Variants in CCDC61 observed in about 807,000 individuals in gnomAD.
The protein encoded by CCDC61 is centrosomal protein CCDC61.
Under a neutral mutation model 63.0 loss-of-function variants are expected in CCDC61, and 55 were observed. The ratio of observed to expected loss-of-function variants is 0.87; its 90% CI spans 0.70 to 1.09. The LOEUF (loss-of-function observed/expected upper bound fraction) is 1.09. Among genes scored for constraint, CCDC61 ranks in the 50% least tolerant of loss-of-function variants. The pLI is 0.00. For missense variants in CCDC61, 651 were observed against 731.4 expected, an observed-to-expected ratio of 0.89 and a Z score of 1.27; for synonymous variants, 270 against 317.0, an observed-to-expected ratio of 0.85 and a Z score of 1.58.
chr19:46,003,359 G>C, intron 2 of CCDC61, 60 bp from the exon 3 acceptor site: 1 of 1,523,208 alleles, frequency 6.6e-7, no homozygotes, highest in Non-Finnish European at 9.0e-7. Flanking sequence ...GAGCTTAGGT[G>C]CATTGCCCTG....
chr19:46,008,621 C>T (rs954198239), intron 5 of CCDC61, among the ~76,000 whole-genome samples: 5 of 152,166 alleles, frequency 3.3e-5, no homozygotes, highest in Admixed American at 2.6e-4. Flanking sequence ...GTTGGCCAGG[C>T]TGATCTCAAA....
At chr19:46,013,709 A>G (rs1366593754) in intron 5 of CCDC61, among the ~76,000 whole-genome samples, 1 of 151,858 alleles carries the variant, frequency 6.6e-6, no homozygotes, top group Non-Finnish European at 1.5e-5. Context: ...TCTACTAAAC[A>G]TACAAAAATT....
intron 3 of CCDC61, 121 bp downstream of exon 3, chr19:46,003,622 G>A (rs1968636939): frequency 6.6e-6 from 4 of 607,194 alleles, no homozygotes; most frequent in Admixed American, 3.1e-5. Context: ...TGGGAAGAGG[G>A]CGATCATTTT....
chr19:46,003,360 C>T (rs1968629570), intron 2 of CCDC61, 59 bp from the exon 3 acceptor site: 3 of 1,521,606 alleles, frequency 2.0e-6, no homozygotes, highest in Non-Finnish European at 2.7e-6. Context: ...AGCTTAGGTG[C>T]ATTGCCCTGG....
intron 4 of CCDC61, 106 bp from the exon 5 acceptor site, chr19:46,008,034 T>C (rs1417745436): frequency 5.6e-6 from 7 of 1,251,208 alleles, no homozygotes; most frequent in Non-Finnish European, 6.6e-6. Context: ...CAGTGCAGTT[T>C]TTGGAATTGT....
intron 1 of CCDC61, among the ~76,000 whole-genome samples, chr19:45,995,903 G>C (rs1014434373): frequency 2.0e-5 from 3 of 152,156 alleles, no homozygotes; most frequent in African/African-American, 7.2e-5. Flanking sequence ...TATTGAGGAA[G>C]GGAGGGAAGG....
In CCDC61 at chr19:46,016,726, G is replaced by A. The variant is rs764869678; in HGVS notation, c.1124G>A (p.Gly375Glu). ...QQQRNRLGSG[G>E]SGDGPSVSWS... Reference sequence around the variant, plus strand: ...CAGCGGAACCGCTTAGGCAGTGGGGGAAGCGGGGACGGTCCGTCCGTCTCC... The same window carrying A: ...CAGCGGAACCGCTTAGGCAGTGGGGAAAGCGGGGACGGTCCGTCCGTCTCC... Residue 375 changes from glycine to glutamate, a missense_variant, in exon 10 of 14, where the codon GGA becomes GAA. By Grantham distance (98) the Gly-to-Glu change is moderately conservative (BLOSUM62 -2). Transcript: ENST00000595358. This position sits in a 1 kb window ranked among gnomAD's most constrained non-coding sequence, Gnocchi z 7.2. 8 of 1,610,654 alleles carry A rather than the reference G, an allele frequency of 5.0e-6. No homozygotes were observed. The highest frequency in any genetic ancestry group is 3.4e-6 in the Non-Finnish European group (4 of 1,178,878).
At position 46,016,410 on chromosome 19, in the gene CCDC61, C is replaced by T; in HGVS notation, c.1091+17C>T. ...CCAGATGAAGTCAGTGCCCCTTCCT[C>T]CCTCACCTGCCCCTGTCCCTGGCCC... On this transcript the variant is annotated intron_variant, in intron 9 of 13. Transcript: ENST00000595358. This position sits in a 1 kb window ranked among gnomAD's most constrained non-coding sequence, Gnocchi z 7.2. The T allele has an allele frequency of 1.2e-6, 2 of 1,612,456 alleles. No individual in the cohort carries two copies. The highest frequency in any genetic ancestry group is 8.5e-7 in the Non-Finnish European group (1 of 1,179,236).
At chr19:45,998,236 G>A (rs1968528818) in intron 1 of CCDC61, among the ~76,000 whole-genome samples, 1 of 152,226 alleles carries the variant, frequency 6.6e-6, no homozygotes, top group Admixed American at 6.5e-5. Context: ...GCAGATTGTG[G>A]CGCCCAAGGG....
chr19:46,009,746 G>A (rs946892356), intron 5 of CCDC61, among the ~76,000 whole-genome samples: 1 of 152,226 alleles, frequency 6.6e-6, no homozygotes, highest in Non-Finnish European at 1.5e-5. Context: ...GTACGGCTGG[G>A]CCGAGGAAGG....
Position 46,016,615 on chromosome 19 carries a change from G to A in CCDC61, c.1092-79G>A, listed in dbSNP as rs530327465. ...ACCTCAGGCTTTCGCTGGCGTGGCT[G>A]TGACCTTTAGGGGCGCAGTGACCCC... On this transcript the variant is annotated intron_variant, in intron 9 of 13. Coordinates refer to ENST00000595358, the MANE Select transcript of CCDC61 (RefSeq NM_001267723.2). The surrounding 1 kb of genome is among the most constrained non-coding windows in gnomAD (Gnocchi z 7.2). 3 of 1,573,900 alleles carry A rather than the reference G, an allele frequency of 1.9e-6. No homozygotes were observed. The highest frequency in any genetic ancestry group is 2.7e-5 in the African/African-American group (2 of 74,134).
chr19:46,004,962 C>T (rs919441221), intron 3 of CCDC61, among the ~76,000 whole-genome samples: 4 of 151,138 alleles, frequency 2.6e-5, no homozygotes, highest in African/African-American at 9.7e-5. Flanking sequence ...CCTCAGCCTC[C>T]CAAGTAGCTG....
chr19:46,007,238 G>A (rs1010645292), intron 4 of CCDC61, among the ~76,000 whole-genome samples: 3 of 152,116 alleles, frequency 2.0e-5, no homozygotes, highest in Non-Finnish European at 2.9e-5. Context: ...TAGTAGAGAC[G>A]GGGTTTTGTC....
Position 46,015,461 on chromosome 19 carries a change from T to G in CCDC61, c.845+34T>G. 1 of 1,205,726 alleles carries G rather than the reference T, an allele frequency of 8.3e-7. No homozygotes were observed. Among genetic ancestry groups the G allele is most frequent in the Non-Finnish European group, 1.0e-6 (1 of 952,764 alleles). The allele number at this position is 1,205,726 out of a possible 1,614,324, so 74.7% of individuals were successfully genotyped here. A position where few individuals can be genotyped will look rare whatever the true frequency, so the allele number is the denominator to read the frequency against. On this transcript the variant is annotated intron_variant, in intron 7 of 13. Transcript: ENST00000595358. The surrounding 1 kb of genome is among the most constrained non-coding windows in gnomAD (Gnocchi z 5.3). ...GAGGCCTGCCAGGCGCCTGGGCGGA[T>G]GGGCGGGCCCTGAGGGTGTGGAGGC...
In CCDC61 at chr19:46,018,107, T is replaced by C; in HGVS notation, c.1398T>C (p.His466=). 8.7e-6 allele frequency: 14 copies of C among 1,611,152 alleles called. No individual in the cohort carries two copies. Among genetic ancestry groups the C allele is most frequent in the Non-Finnish European group, 1.1e-5 (13 of 1,178,798 alleles). Residue 466 remains histidine (H), a synonymous_variant, in exon 13 of 14, where the codon CAT becomes CAC. Coordinates refer to ENST00000595358, the MANE Select transcript of CCDC61 (RefSeq NM_001267723.2). The surrounding 1 kb of genome is among the most constrained non-coding windows in gnomAD (Gnocchi z 4.2). ...MKSPPVERSH[H]QKSLANSGGW... is the part of the protein sequence containing the mutation. ...CTCCCCCCGTGGAACGCAGCCACCATCAGAAATCTCTGGCCAACTCCGGGG... is the reference window on the plus strand; with the variant it reads ...CTCCCCCCGTGGAACGCAGCCACCACCAGAAATCTCTGGCCAACTCCGGGG...
At chr19:46,014,261 T>A (rs1298702837) in intron 5 of CCDC61, among the ~76,000 whole-genome samples, 2 of 152,202 alleles carry the variant, frequency 1.3e-5, no homozygotes, top group African/African-American at 4.8e-5. Flanking sequence ...CAATTTCTGT[T>A]CATTTTCCCC....
Position 46,016,808 on chromosome 19 carries a change from C to A in CCDC61, c.1206C>A (p.Asn402Lys). 2 of 1,526,780 alleles carry A rather than the reference C, an allele frequency of 1.3e-6. No homozygotes were observed. Among genetic ancestry groups the A allele is most frequent in the Non-Finnish European group, 1.8e-6 (2 of 1,135,882 alleles). The allele number at this position is 1,526,780 out of a possible 1,614,324, so 94.6% of individuals were successfully genotyped here. The change falls in exon 10 of 14, where the codon AAC (asparagine) becomes AAA (lysine). Residue 402 changes from asparagine to lysine, a missense_variant. Coordinates refer to ENST00000595358, the MANE Select transcript of CCDC61 (RefSeq NM_001267723.2). The surrounding 1 kb of genome is among the most constrained non-coding windows in gnomAD (Gnocchi z 7.2). The part of the protein sequence containing the change: ...AALTGRGDAP[N>K]RSRNRSSSVD... ...TGACTGGCCGAGGGGACGCCCCTAA[C>A]CGCTCCCGAAACCGCAGCTCCTCAG...
intron 5 of CCDC61, among the ~76,000 whole-genome samples, chr19:46,012,851 A>AT (rs369632790): frequency 0.32 from 45,193 of 142,354 alleles, 7,481 homozygotes; most frequent in African/African-American, 0.43. Flanking sequence ...ACTTAATTTA[A>AT]TTTTTTTTTT....
At chr19:46,001,707 C>T (rs533414519) in intron 1 of CCDC61, among the ~76,000 whole-genome samples, 5 of 152,344 alleles carry the variant, frequency 3.3e-5, no homozygotes, top group South Asian at 2.1e-4. Context: ...CTAGGGCCTA[C>T]GCCATTGCCC....
Sources: allele counts gnomAD v4.1 joint callset (sites outside exome capture counted in the v4.1 genomes callset), GRCh38; gene constraint gnomAD v4.1.1; non-coding constraint Gnocchi (gnomAD v3.1); transcripts MANE v1.5; gene names NCBI Gene and HGNC (gene_info 2026-07-23, HGNC 2026-07-21).